DPYSL3: variants seen among roughly 807,000 people sequenced by gnomAD.
DPYSL3 encodes the protein dihydropyrimidinase-related protein 3.
A neutral mutation model predicts 66.1 loss-of-function variants in DPYSL3; 16 were observed. The observed-to-expected ratio is 0.24, with a 90% CI of 0.16 to 0.37. The LOEUF (loss-of-function observed/expected upper bound fraction) is 0.37. DPYSL3 is among the 10% of genes least tolerant of loss of function. DPYSL3 has a pLI of 1.00. For synonymous variants in DPYSL3, 338 were observed against 345.1 expected (o/e 0.98, Z 0.23); for missense variants, 738 against 916.2 (o/e 0.81, Z 2.51).
intron 1 of DPYSL3, among the ~76,000 whole-genome samples, chr5:147,503,495 G>T (rs940624333): frequency 6.6e-6 from 1 of 151,926 alleles, no homozygotes; most frequent in Non-Finnish European, 1.5e-5. Flanking sequence ...AGTGTTCTAC[G>T]TTGCCCAGTC....
intron 1 of DPYSL3, among the ~76,000 whole-genome samples, chr5:147,430,005 C>A (rs2126343256): frequency 6.6e-6 from 1 of 152,246 alleles, no homozygotes; most frequent in South Asian, 2.1e-4. Context: ...TGATATAAGT[C>A]TAACATCTTT....
Position 147,408,746 on chromosome 5 carries a change from T to C in DPYSL3, c.1014A>G (p.Val338=). ...AACTTACCTCTTCTGGCCTGCTCAG[T>C]ACATGGCCTTCTGGGCCAGTTATCC... is the stretch of plus-strand genomic sequence containing the variant. ...EMGITGPEGH[V]LSRPEELEAE... The change falls in exon 7 of 14, where the codon GTA becomes GTG. Residue 338 remains valine, a synonymous_variant. Transcript: ENST00000343218. 1 of 1,614,218 alleles carries C rather than the reference T, an allele frequency of 6.2e-7. No homozygotes were observed. Among genetic ancestry groups the C allele is most frequent in the Non-Finnish European group, 8.5e-7 (1 of 1,180,034 alleles).
intron 13 of DPYSL3, among the ~76,000 whole-genome samples, chr5:147,394,730 G>C (rs1213871522): frequency 6.6e-6 from 1 of 151,252 alleles, no homozygotes; most frequent in Non-Finnish European, 1.5e-5. Flanking sequence ...ATGACTAGCA[G>C]AATGTGACCT....
chr5:147,491,163 G>A lies in DPYSL3; in HGVS notation c.381+18315C>T, dbSNP rs145602125. Among the ~76,000 whole-genome samples the A allele has an allele frequency of 5.9e-5, 9 of 152,238 alleles. No homozygotes were observed. The East Asian group carries it at 1.2e-3, about 20-fold the overall frequency. On this transcript the variant is annotated intron_variant, in intron 1 of 13. Transcript: ENST00000343218. ...GCCTTCAGTAGGGGAAGGAAAATAC[G>A]CAACTCCAGCACCCTCCAGCTGTCC...
intron 2 of DPYSL3, among the ~76,000 whole-genome samples, chr5:147,422,695 T>C (rs1354015582): frequency 1.3e-5 from 2 of 152,134 alleles, no homozygotes; most frequent in Non-Finnish European, 2.9e-5. Flanking sequence ...TGAGTTCATG[T>C]CCTTTGCAGG....
rs1448662612 is a variant in DPYSL3 at position 147,392,403 on chromosome 5, T to G, written c.*1632A>C. On this transcript the variant is annotated 3_prime_UTR_variant, in exon 14 of 14. Coordinates refer to ENST00000343218, the MANE Select transcript of DPYSL3 (RefSeq NM_001197294.2). ...CTCTGGTCTTCAACTTATTCAAACC[T>G]GCAGTCAGAGACAATGGTTTCTCCT... 6.6e-6 allele frequency: 1 copy of G among 152,240 alleles called. No individual in the cohort carries two copies. The highest frequency in any genetic ancestry group is 2.4e-5 in the African/African-American group (1 of 41,456). The allele number at this position is 152,240 out of a possible 1,614,324, so 9.4% of individuals were successfully genotyped here. A position where few individuals can be genotyped will look rare whatever the true frequency, so the allele number is the denominator to read the frequency against.
At chr5:147,471,903 C>T (rs551178364) in intron 1 of DPYSL3, among the ~76,000 whole-genome samples, 3 of 152,228 alleles carry the variant, frequency 2.0e-5, no homozygotes, top group Admixed American at 1.3e-4. Context: ...TTAGTCCAGG[C>T]GTTTACATCT....
At chr5:147,502,288 C>G (rs187767565) in intron 1 of DPYSL3, among the ~76,000 whole-genome samples, 1 of 151,922 alleles carries the variant, frequency 6.6e-6, no homozygotes, top group African/African-American at 2.4e-5. Flanking sequence ...GGTACACAAA[C>G]CTTCAGACCA....
intron 1 of DPYSL3, among the ~76,000 whole-genome samples, chr5:147,468,699 C>G (rs1487761375): frequency 6.6e-6 from 1 of 151,358 alleles, no homozygotes; most frequent in Non-Finnish European, 1.5e-5. Context: ...GACTCATTAA[C>G]TTAATAATTT....
chr5:147,433,406 C>T (rs921697035), intron 1 of DPYSL3, among the ~76,000 whole-genome samples: 3 of 152,086 alleles, frequency 2.0e-5, no homozygotes, highest in Admixed American at 6.5e-5. Context: ...AGACATATGG[C>T]AAATCTTTAA....
intron 12 of DPYSL3, among the ~76,000 whole-genome samples, chr5:147,397,156 A>G (rs1758011583): frequency 2.2e-5 from 1 of 46,482 alleles, no homozygotes; most frequent in Non-Finnish European, 3.9e-5. Context: ...ATTTGCACAC[A>G]TGTATGTATC....
chr5:147,485,257 G>A (rs1051281034), intron 1 of DPYSL3, among the ~76,000 whole-genome samples: 1 of 152,172 alleles, frequency 6.6e-6, no homozygotes, highest in African/African-American at 2.4e-5. Context: ...CTGAGAGCGT[G>A]AGTTTGGAGA....
At chr5:147,415,511 G>C (rs1391481254) in intron 4 of DPYSL3, among the ~76,000 whole-genome samples, 198 bp downstream of exon 4, 1 of 152,154 alleles carries the variant, frequency 6.6e-6, no homozygotes, top group Non-Finnish European at 1.5e-5. Flanking sequence ...GCAAAGTGGG[G>C]AAAACAATCA....
intron 2 of DPYSL3, among the ~76,000 whole-genome samples, chr5:147,423,844 C>G (rs1439638481): frequency 6.6e-6 from 1 of 152,142 alleles, no homozygotes; most frequent in Non-Finnish European, 1.5e-5. Flanking sequence ...CCTCAGGTCC[C>G]TGAGTAGCTG....
Position 147,418,523 on chromosome 5 carries a change from T to C in DPYSL3, c.579A>G (p.Pro193=), listed in dbSNP as rs758536186. The C allele has an allele frequency of 5.1e-5, 82 of 1,613,754 alleles. No individual in the cohort carries two copies. The highest frequency in any genetic ancestry group is 6.6e-5 in the Non-Finnish European group (78 of 1,179,880). The change falls in exon 3 of 14, where the codon CCA becomes CCG. Residue 193 remains proline (P), a synonymous_variant. Transcript: ENST00000343218. ...GIDVHTHFQM[P]YKGMTTVDDF... Reference sequence around the variant, plus strand: ...CATCTACTGTGGTCATTCCCTTATATGGCATCTGGAAGTGAGTATGGACAT... The same window carrying C: ...CATCTACTGTGGTCATTCCCTTATACGGCATCTGGAAGTGAGTATGGACAT...
At chr5:147,490,664 G>A (rs1325755809) in intron 1 of DPYSL3, among the ~76,000 whole-genome samples, 2 of 152,180 alleles carry the variant, frequency 1.3e-5, no homozygotes, top group Non-Finnish European at 1.5e-5. Context: ...TGGCAGAGAA[G>A]TGAGGTCACA....
chr5:147,488,202 G>C (rs1047722991), intron 1 of DPYSL3, among the ~76,000 whole-genome samples: 1 of 152,132 alleles, frequency 6.6e-6, no homozygotes, highest in African/African-American at 2.4e-5. Context: ...AGTCCAGAAG[G>C]TGAACACAGT....
chr5:147,461,845 C>A (rs945253867), intron 1 of DPYSL3, among the ~76,000 whole-genome samples: 1 of 152,090 alleles, frequency 6.6e-6, no homozygotes, highest in African/African-American at 2.4e-5. Flanking sequence ...ACAAATATGG[C>A]AATTAGCACA....
chr5:147,442,973 A>T (rs1285809630), intron 1 of DPYSL3, among the ~76,000 whole-genome samples: 1 of 152,154 alleles, frequency 6.6e-6, no homozygotes, highest in African/African-American at 2.4e-5. Flanking sequence ...CAGCATACTT[A>T]TTTTGTAATG....
Sources: gnomAD v4.1 joint callset for allele counts (sites outside exome capture counted in the v4.1 genomes callset) on GRCh38, gnomAD v4.1.1 for gene constraint, MANE v1.5 for transcripts, NCBI Gene and HGNC (gene_info 2026-07-23, HGNC 2026-07-21) for gene names.